Variants in ADGRL3 observed in about 807,000 individuals in gnomAD.
ADGRL3 encodes the protein adhesion G protein-coupled receptor L3, also known as calcium-independent alpha-latrotoxin receptor 3.
ADGRL3 carries 62 observed loss-of-function variants against 153.5 expected under a neutral mutation model. That is an observed-to-expected ratio of 0.40 (90% CI 0.33 to 0.50). ADGRL3 has a LOEUF of 0.50. Ranked by LOEUF, ADGRL3 falls within the 20% of genes least tolerant of loss-of-function variation. The pLI is 0.47. For missense variants in ADGRL3, 1,641 were observed against 1,859.4 expected, an observed-to-expected ratio of 0.88 and a Z score of 2.16; for synonymous variants, 710 against 672.5, an observed-to-expected ratio of 1.06 and a Z score of -0.86.
chr4:61,841,826 T>C (rs2098036998), intron 9 of ADGRL3, among the ~76,000 whole-genome samples: 1 of 152,234 alleles, frequency 6.6e-6, no homozygotes, highest in Admixed American at 6.5e-5. Flanking sequence ...GACTTTACTC[T>C]TGTGTGTGCA....
At chr4:61,249,139 T>G (rs555591254) in intron 1 of ADGRL3, among the ~76,000 whole-genome samples, 8 of 152,184 alleles carry the variant, frequency 5.3e-5, no homozygotes, top group African/African-American at 1.9e-4. Flanking sequence ...AAGTACGGGT[T>G]TTTTTGCAGG....
At chr4:61,818,635 C>T (rs2097715155) in intron 9 of ADGRL3, among the ~76,000 whole-genome samples, 3 of 152,170 alleles carry the variant, frequency 2.0e-5, no homozygotes, top group African/African-American at 7.2e-5. Context: ...TGGGCAAGGA[C>T]ACAGATCCCA....
intron 4 of ADGRL3, among the ~76,000 whole-genome samples, chr4:61,522,899 G>A (rs2098539327): frequency 6.6e-6 from 1 of 152,078 alleles, no homozygotes; most frequent in South Asian, 2.1e-4. Flanking sequence ...TGGTCGGAAT[G>A]TCCTATAGAC....
intron 6 of ADGRL3, among the ~76,000 whole-genome samples, chr4:61,679,178 A>C (rs2095279984): frequency 6.6e-6 from 1 of 152,032 alleles, no homozygotes; most frequent in Admixed American, 6.6e-5. Flanking sequence ...AAGGGGGAGC[A>C]GGTACCTCAT....
intron 26 of ADGRL3, among the ~76,000 whole-genome samples, chr4:62,068,646 G>A (rs1296419331): frequency 1.3e-5 from 2 of 152,050 alleles, no homozygotes; most frequent in African/African-American, 4.8e-5. Flanking sequence ...TATCATAGCA[G>A]CTTCTGCAAA....
chr4:61,387,842 A>G (rs1313279433), intron 2 of ADGRL3, among the ~76,000 whole-genome samples: 1 of 152,176 alleles, frequency 6.6e-6, no homozygotes, highest in Non-Finnish European at 1.5e-5. Flanking sequence ...AAGTAAAGAC[A>G]GGCATAGGAA....
At chr4:61,870,178 C>T (rs1247786047) in intron 9 of ADGRL3, among the ~76,000 whole-genome samples, 2 of 151,810 alleles carry the variant, frequency 1.3e-5, no homozygotes, top group East Asian at 1.9e-4. Flanking sequence ...GCCCACCAGA[C>T]ACAAGAAGTT....
chr4:61,794,223 T>A (rs920125879), intron 8 of ADGRL3, among the ~76,000 whole-genome samples: 1 of 152,208 alleles, frequency 6.6e-6, no homozygotes, highest in Non-Finnish European at 1.5e-5. Context: ...TTTAGCCATT[T>A]CTTCTACTTA....
chr4:61,558,548 C>A (rs1323363662), intron 4 of ADGRL3, among the ~76,000 whole-genome samples: 1 of 151,808 alleles, frequency 6.6e-6, no homozygotes, highest in African/African-American at 2.4e-5. Context: ...CTATCTAGAT[C>A]TCTTTCTTTT....
At chr4:61,585,037 A>C (rs527733865) in intron 4 of ADGRL3, among the ~76,000 whole-genome samples, 1 of 152,130 alleles carries the variant, frequency 6.6e-6, no homozygotes, top group African/African-American at 2.4e-5. Flanking sequence ...AAGTGTTGAC[A>C]CAAGAACAAA....
At chr4:61,264,088 C>T (rs766519722) in intron 1 of ADGRL3, among the ~76,000 whole-genome samples, 13 of 151,872 alleles carry the variant, frequency 8.6e-5, no homozygotes, top group African/African-American at 2.2e-4. Flanking sequence ...AGAATTACTG[C>T]GCCATAAATA....
At chr4:61,835,389 GA>G (rs36093030) in intron 9 of ADGRL3, among the ~76,000 whole-genome samples, 69,590 of 120,922 alleles carry the variant, frequency 0.58, 20,404 homozygotes, top group Non-Finnish European at 0.69. Flanking sequence ...TGACTGAGAA[GA>G]AAAAAAAAAA....
intron 8 of ADGRL3, among the ~76,000 whole-genome samples, chr4:61,747,870 G>A (rs1035796948): frequency 2.2e-4 from 34 of 152,048 alleles, no homozygotes; most frequent in African/African-American, 5.3e-4. Context: ...CAATCAAGCA[G>A]GAGAAGGAAA....
At chr4:61,981,409 C>G (rs1409176008) in intron 18 of ADGRL3, among the ~76,000 whole-genome samples, 1 of 121,664 alleles carries the variant, frequency 8.2e-6, no homozygotes, top group African/African-American at 2.9e-5. Flanking sequence ...TATGTAAACT[C>G]TTCCCAAATT....
At chr4:61,681,617 G>C (rs1485512537) in intron 6 of ADGRL3, among the ~76,000 whole-genome samples, 1 of 151,866 alleles carries the variant, frequency 6.6e-6, no homozygotes, top group Non-Finnish European at 1.5e-5. Context: ...AGAAAAATGA[G>C]CATTATTGGA....
chr4:62,036,808 TATA>T (rs1725259253), intron 23 of ADGRL3, among the ~76,000 whole-genome samples: 1 of 151,992 alleles, frequency 6.6e-6, no homozygotes, highest in Non-Finnish European at 1.5e-5. Flanking sequence ...ATATAATTGA[TATA>T]ATAAGATGTC....
At chr4:61,450,960 A>C (rs890021253) in intron 2 of ADGRL3, among the ~76,000 whole-genome samples, 4 of 152,154 alleles carry the variant, frequency 2.6e-5, no homozygotes, top group Admixed American at 2.0e-4. Context: ...TTACACAATT[A>C]CAATAGTATT....
At chr4:61,585,758 T>C (rs532061445) in intron 4 of ADGRL3, among the ~76,000 whole-genome samples, 251 of 152,128 alleles carry the variant, frequency 1.6e-3, no homozygotes, top group African/African-American at 5.8e-3. Flanking sequence ...ATGTAGTGAT[T>C]ATGTTCACAA....
rs565875162 is a variant in ADGRL3 at position 61,757,979 on chromosome 4, TGAGA to T, written c.1399+24428_1399+24431del. Among the ~76,000 whole-genome samples the T allele has an allele frequency of 2.9e-3, 435 of 152,366 alleles. 3 individuals carry two copies. The highest frequency in any genetic ancestry group is 0.01 in the African/African-American group (417 of 41,582). ...GTTCTAGTTTGATTGCACTGTGGTCTGAGAGACAGTTAGTTATAATTTCTGTTCT... is the reference window on the plus strand; with the variant it reads ...GTTCTAGTTTGATTGCACTGTGGTCTGACAGTTAGTTATAATTTCTGTTCT... On this transcript the variant is annotated intron_variant, in intron 8 of 26. Coordinates refer to ENST00000683033, the MANE Select transcript of ADGRL3 (RefSeq NM_001387552.1).
Sources: gnomAD v4.1 joint callset for allele counts (sites outside exome capture counted in the v4.1 genomes callset) on GRCh38, gnomAD v4.1.1 for gene constraint, MANE v1.5 for transcripts, NCBI Gene and HGNC (gene_info 2026-07-23, HGNC 2026-07-21) for gene names.